EYS: variants seen among roughly 807,000 people sequenced by gnomAD.
EYS encodes the protein protein eyes shut homolog.
A neutral mutation model predicts 282.1 loss-of-function variants in EYS; 250 were observed. The ratio of observed to expected loss-of-function variants is 0.89; its 90% CI spans 0.80 to 0.98. The LOEUF is 0.98. Ranked by LOEUF, EYS falls within the 50% of genes least tolerant of loss-of-function variation. The pLI is 0.00. For missense variants in EYS, 4,016 were observed against 3,709.0 expected, an observed-to-expected ratio of 1.08 and a Z score of -2.15; for synonymous variants, 1,355 against 1,282.9, an observed-to-expected ratio of 1.06 and a Z score of -1.20.
chr6:64,117,227 CTG>C (rs1480738556), intron 31 of EYS, among the ~76,000 whole-genome samples: 1 of 151,636 alleles, frequency 6.6e-6, no homozygotes, highest in Non-Finnish European at 1.5e-5. Flanking sequence ...TGTTATAAAA[CTG>C]GAAATCAATT....
intron 7 of EYS, among the ~76,000 whole-genome samples, chr6:65,391,718 T>A (rs1766041388): frequency 6.6e-6 from 1 of 152,076 alleles, no homozygotes; most frequent in African/African-American, 2.4e-5. Context: ...GTAGGAAGAA[T>A]CAATATCATG....
At chr6:64,205,515 T>G (rs1731087538) in intron 31 of EYS, among the ~76,000 whole-genome samples, 1 of 152,146 alleles carries the variant, frequency 6.6e-6, no homozygotes, top group African/African-American at 2.4e-5. Context: ...AGTTGAAGTT[T>G]TATGCTTTAA....
In EYS at chr6:65,151,522, T is replaced by C. The variant is rs58503039; in HGVS notation, c.2024-93795A>G. ...TGTGATACTGCTCTGACTAGGTGAT[T>C]CTTGAAGAAAATTGCATGCAGAAAG... On this transcript the variant is annotated intron_variant, in intron 12 of 42. Transcript: ENST00000503581. Among the ~76,000 whole-genome samples the C allele has an allele frequency of 3.9e-5, 6 of 152,080 alleles. No individual in the cohort carries two copies. In the East Asian group the frequency reaches 1.2e-3, roughly 30 times the overall value.
Position 64,997,511 on chromosome 6 carries a change from C to T in EYS, c.2259+71G>A, listed in dbSNP as rs183469696. On this transcript the variant is annotated intron_variant, in intron 14 of 42. Transcript: ENST00000503581. Reference sequence around the variant, plus strand: ...AACCTAACACACAGGCAAAAACTCACTCTATTTGTACATAGGTGTTAAATT... The same window carrying T: ...AACCTAACACACAGGCAAAAACTCATTCTATTTGTACATAGGTGTTAAATT... 482 of 1,410,208 alleles carry T rather than the reference C, an allele frequency of 3.4e-4. 2 individuals are homozygous for T. In the African/African-American group the frequency reaches 6.4e-3, roughly 19 times the overall value. The allele number at this position is 1,410,208 out of a possible 1,614,324, so 87.4% of individuals were successfully genotyped here.
chr6:64,470,010 C>A (rs1245261653), intron 26 of EYS, among the ~76,000 whole-genome samples: 2 of 152,162 alleles, frequency 1.3e-5, no homozygotes, highest in Non-Finnish European at 2.9e-5. Flanking sequence ...AGGGAAGGGC[C>A]CCCTATCCAA....
At chr6:64,219,589 G>C (rs571691221) in intron 31 of EYS, among the ~76,000 whole-genome samples, 26 of 152,268 alleles carry the variant, frequency 1.7e-4, no homozygotes, top group South Asian at 4.1e-4. Flanking sequence ...TCTAGTTCTA[G>C]ATCCCTGAGG....
intron 30 of EYS, among the ~76,000 whole-genome samples, chr6:64,291,696 T>C (rs960780017): frequency 3.3e-5 from 5 of 152,272 alleles, no homozygotes; most frequent in South Asian, 4.1e-4. Context: ...GTATTTGTAC[T>C]CTGCTCTTAA....
intron 12 of EYS, among the ~76,000 whole-genome samples, chr6:65,097,349 T>C (rs990816419): frequency 2.0e-5 from 3 of 150,560 alleles, no homozygotes; most frequent in Non-Finnish European, 4.5e-5. Flanking sequence ...AGATAACAAG[T>C]ATTGGTGAGG....
intron 36 of EYS, among the ~76,000 whole-genome samples, chr6:63,852,841 T>G (rs1331392327): frequency 2.0e-5 from 3 of 152,158 alleles, no homozygotes; most frequent in African/African-American, 7.2e-5. Context: ...TGCAAATCAA[T>G]AAATGTAATC....
Position 64,294,774 on chromosome 6 carries a change from A to G in EYS, c.6191+12196T>C, listed in dbSNP as rs377083447. 4.9e-4 allele frequency among the ~76,000 whole-genome samples: 75 copies of G among 152,354 alleles called. 1 individual carries two copies. The highest frequency in any genetic ancestry group is 2.5e-3 in the South Asian group (12 of 4,824). ...GGCACCACCTGTACTAGATAAGAGT[A>G]TTATCACTTTAATTTAAAAAATTAA... On this transcript the variant is annotated intron_variant, in intron 30 of 42. Transcript: ENST00000503581.
At chr6:64,835,481 T>A (rs1182679845) in intron 19 of EYS, among the ~76,000 whole-genome samples, 3 of 151,160 alleles carry the variant, frequency 2.0e-5, no homozygotes, top group South Asian at 4.2e-4. Context: ...GCTGAGAATT[T>A]AAAAAAAACT....
At chr6:65,217,296 G>C (rs1408609822) in intron 12 of EYS, among the ~76,000 whole-genome samples, 1 of 151,920 alleles carries the variant, frequency 6.6e-6, no homozygotes, top group Non-Finnish European at 1.5e-5. Flanking sequence ...AGCAATTTTA[G>C]ACAATTATCC....
intron 22 of EYS, among the ~76,000 whole-genome samples, chr6:64,684,602 G>T (rs9345372): frequency 0.14 from 20,772 of 151,116 alleles, 1,705 homozygotes; most frequent in East Asian, 0.29. Flanking sequence ...AATATATAGA[G>T]AGAGAGATAT....
chr6:63,958,582 A>G (rs1300851496), intron 35 of EYS, among the ~76,000 whole-genome samples: 1 of 152,226 alleles, frequency 6.6e-6, no homozygotes, highest in African/African-American at 2.4e-5. Context: ...ACTAAACAAC[A>G]GAGTTTCAAT....
intron 28 of EYS, among the ~76,000 whole-genome samples, chr6:64,427,895 A>C (rs1257608453): frequency 6.6e-6 from 1 of 152,120 alleles, no homozygotes. Flanking sequence ...TAATTTTCTG[A>C]AATAATGATT....
chr6:65,065,988 A>G (rs1272585161), intron 12 of EYS, among the ~76,000 whole-genome samples: 1 of 152,198 alleles, frequency 6.6e-6, no homozygotes, highest in East Asian at 1.9e-4. Flanking sequence ...AAGCATATTG[A>G]CTGCCTTCAG....
intron 12 of EYS, among the ~76,000 whole-genome samples, chr6:65,288,244 T>A (rs572031109): frequency 1.3e-5 from 2 of 150,916 alleles, no homozygotes; most frequent in African/African-American, 4.8e-5. Context: ...ACAAACATAT[T>A]ATGTCTGAGG....
At chr6:64,249,099 A>T (rs1442327241) in intron 30 of EYS, among the ~76,000 whole-genome samples, 1 of 151,040 alleles carries the variant, frequency 6.6e-6, no homozygotes, top group Admixed American at 6.6e-5. Flanking sequence ...ACCTGCACTC[A>T]TATGTTTATC....
chr6:64,766,614 G>A (rs1258242897), intron 22 of EYS, among the ~76,000 whole-genome samples: 23 of 76,680 alleles, frequency 3.0e-4, no homozygotes, highest in African/African-American at 6.8e-4. Flanking sequence ...CCTGGGTGAC[G>A]GAGTGAAACT....
Sources: allele counts gnomAD v4.1 joint callset (sites outside exome capture counted in the v4.1 genomes callset), GRCh38; gene constraint gnomAD v4.1.1; transcripts MANE v1.5; gene names NCBI Gene and HGNC (gene_info 2026-07-23, HGNC 2026-07-21).